The following L3MBTL4 variants were observed in gnomAD, a reference collection of about 807,000 sequenced individuals.
L3MBTL4 encodes the protein L3MBTL histone methyl-lysine binding protein 4, also known as lethal(3)malignant brain tumor-like protein 4.
In L3MBTL4, 70 loss-of-function variants were observed where a neutral mutation model predicts 84.5. That is an observed-to-expected ratio of 0.83 (90% CI 0.68 to 1.01). The LOEUF (loss-of-function observed/expected upper bound fraction) is 1.01, where lower values mean the gene tolerates loss of function less well. Ranked by LOEUF, L3MBTL4 falls within the 50% of genes least tolerant of loss-of-function variation. L3MBTL4 has a pLI of 0.00. For missense variants in L3MBTL4, 715 were observed against 754.8 expected, an observed-to-expected ratio of 0.95 and a Z score of 0.62; for synonymous variants, 274 against 259.8, an observed-to-expected ratio of 1.05 and a Z score of -0.52.
chr18:6,238,128 G>C (rs1412701836), intron 9 of L3MBTL4, 88 bp from the exon 10 acceptor site: 1 of 1,165,310 alleles, frequency 8.6e-7, no homozygotes, highest in Non-Finnish European at 1.3e-6. Flanking sequence ...GATATCAACA[G>C]ATACCACAGA....
intron 16 of L3MBTL4, among the ~76,000 whole-genome samples, chr18:6,035,553 C>T (rs2056089103): frequency 6.6e-6 from 1 of 152,038 alleles, no homozygotes; most frequent in South Asian, 2.1e-4. Context: ...TTACTGTAGC[C>T]TTGTAGTATA....
intron 12 of L3MBTL4, among the ~76,000 whole-genome samples, chr18:6,209,578 C>T (rs2046017725): frequency 6.6e-6 from 1 of 151,988 alleles, no homozygotes; most frequent in Non-Finnish European, 1.5e-5. Flanking sequence ...CTTCAGAAAA[C>T]ATTTTGGCTT....
intron 14 of L3MBTL4, among the ~76,000 whole-genome samples, chr18:6,128,558 C>T (rs981864937): frequency 6.6e-6 from 1 of 152,114 alleles, no homozygotes; most frequent in Non-Finnish European, 1.5e-5. Flanking sequence ...CGAAAGCAGA[C>T]TCCTCAACAA....
At chr18:6,304,206 G>A (rs1036155092) in intron 3 of L3MBTL4, among the ~76,000 whole-genome samples, 1 of 151,924 alleles carries the variant, frequency 6.6e-6, no homozygotes. Context: ...ATGGTTTTAA[G>A]GTATAAAAGA....
At chr18:6,287,145 T>C (rs1038854300) in intron 4 of L3MBTL4, among the ~76,000 whole-genome samples, 7 of 152,172 alleles carry the variant, frequency 4.6e-5, no homozygotes, top group Non-Finnish European at 1.0e-4. Flanking sequence ...CCTAGATAAA[T>C]TTAGTTACAA....
intron 16 of L3MBTL4, among the ~76,000 whole-genome samples, chr18:6,058,493 T>G (rs922170036): frequency 2.6e-5 from 4 of 152,200 alleles, no homozygotes; most frequent in African/African-American, 7.2e-5. Flanking sequence ...TTGTTGTTTT[T>G]TTTCAAGTCC....
chr18:6,186,757 G>T (rs971163761), intron 12 of L3MBTL4, among the ~76,000 whole-genome samples: 11 of 152,322 alleles, frequency 7.2e-5, no homozygotes, highest in Non-Finnish European at 1.3e-4. Flanking sequence ...GTCAGGGTAC[G>T]CAGAGAGCCG....
intron 4 of L3MBTL4, among the ~76,000 whole-genome samples, chr18:6,279,548 G>A (rs1298871224): frequency 6.6e-6 from 1 of 152,086 alleles, no homozygotes; most frequent in Non-Finnish European, 1.5e-5. Flanking sequence ...TTTCTTACTG[G>A]GATATTCATG....
intron 1 of L3MBTL4, among the ~76,000 whole-genome samples, chr18:6,391,154 T>C (rs1203894061): frequency 3.1e-4 from 47 of 152,142 alleles, no homozygotes. Context: ...GTGGGTTTCA[T>C]CCCAGGGATG....
Position 6,314,890 on chromosome 18 carries a change from C to T in L3MBTL4, c.-90-2834G>A, listed in dbSNP as rs566451725. Among the ~76,000 whole-genome samples the T allele has an allele frequency of 9.9e-5, 15 of 152,272 alleles. 1 individual carries two copies. The highest frequency in any genetic ancestry group is 8.5e-4 in the Admixed American group (13 of 15,294). ...ATATGAAGCTGATTAATCACACACC[C>T]GCTAAAGGGAGATAAGTATAGCAGC... On this transcript the variant is annotated intron_variant, in intron 1 of 18. Coordinates refer to ENST00000317931, the MANE Select transcript of L3MBTL4 (RefSeq NM_001330559.2).
chr18:6,287,316 T>C (rs1486742067), intron 4 of L3MBTL4, among the ~76,000 whole-genome samples: 7 of 152,084 alleles, frequency 4.6e-5, no homozygotes, highest in Non-Finnish European at 8.8e-5. Flanking sequence ...ACACCTCAAT[T>C]GATACACGAG....
At chr18:6,377,515 C>T (rs1023859861) in intron 1 of L3MBTL4, among the ~76,000 whole-genome samples, 3 of 152,042 alleles carry the variant, frequency 2.0e-5, no homozygotes, top group Non-Finnish European at 4.4e-5. Context: ...ATGTTCCCCT[C>T]CCTGTGTCCA....
At chr18:6,326,840 TTTC>T (rs1332179947) in intron 1 of L3MBTL4, 1 of 152,226 alleles carries the variant, frequency 6.6e-6, no homozygotes, top group East Asian at 1.9e-4. Context: ...GCAATATTAA[TTTC>T]TTCTTACTAT....
chr18:6,038,944 T>C (rs2056277828), intron 16 of L3MBTL4, among the ~76,000 whole-genome samples: 1 of 152,066 alleles, frequency 6.6e-6, no homozygotes, highest in Admixed American at 6.5e-5. Flanking sequence ...GGATCCCTCA[T>C]GATGGGATTA....
chr18:6,152,592 T>A (rs1024650482), intron 13 of L3MBTL4, among the ~76,000 whole-genome samples: 1 of 152,180 alleles, frequency 6.6e-6, no homozygotes, highest in African/African-American at 2.4e-5. Context: ...AATTATTTAA[T>A]CAGATTTTTG....
rs540085712 is a variant in L3MBTL4, at chr18:6,088,765, G to A, written c.1373+4590C>T. Among the ~76,000 whole-genome samples the A allele has an allele frequency of 6.6e-5, 10 of 152,292 alleles. No homozygotes were observed. In the South Asian group the frequency reaches 2.1e-3, roughly 32 times the overall value. ...GGTGGAGATCATAGAAGGTACTTAT[G>A]TTGCAGCCAAAATAAACTAGTTGGC... On this transcript the variant is annotated intron_variant, in intron 15 of 18. Coordinates refer to ENST00000317931, the MANE Select transcript of L3MBTL4 (RefSeq NM_001330559.2).
chr18:6,369,764 T>G (rs1210547502), intron 1 of L3MBTL4, among the ~76,000 whole-genome samples: 2 of 152,102 alleles, frequency 1.3e-5, no homozygotes, highest in African/African-American at 4.8e-5. Context: ...AGCTGGAAGA[T>G]TTGCTAGAAT....
At chr18:6,085,334 A>G (rs1021883967) in intron 15 of L3MBTL4, among the ~76,000 whole-genome samples, 4 of 152,350 alleles carry the variant, frequency 2.6e-5, no homozygotes, top group Non-Finnish European at 5.9e-5. Context: ...TTGTGTTGAT[A>G]TGACAATTTA....
At chr18:6,364,730 T>G (rs2053856198) in intron 1 of L3MBTL4, among the ~76,000 whole-genome samples, 1 of 152,170 alleles carries the variant, frequency 6.6e-6, no homozygotes, top group Non-Finnish European at 1.5e-5. Context: ...TAGGATTAAT[T>G]ATAACACTCT....
Sources: gnomAD v4.1 joint callset for allele counts (sites outside exome capture counted in the v4.1 genomes callset) on GRCh38, gnomAD v4.1.1 for gene constraint, MANE v1.5 for transcripts, NCBI Gene and HGNC (gene_info 2026-07-23, HGNC 2026-07-21) for gene names.